PRKCA: variants seen among roughly 807,000 people sequenced by gnomAD.
PRKCA encodes protein kinase C alpha, also known as protein kinase C alpha type.
In PRKCA, 27 loss-of-function variants were observed where a neutral mutation model predicts 87.0. The observed-to-expected ratio is 0.31, with a 90% CI of 0.23 to 0.43. The LOEUF is 0.43. PRKCA is among the 20% of genes least tolerant of loss of function. The probability of loss-of-function intolerance (pLI) is 1.00; values close to 1 mark genes in which losing one functional copy is unlikely to be tolerated. For missense variants in PRKCA, 518 were observed against 852.3 expected (o/e 0.61, Z 4.88); for synonymous variants, 329 against 311.1 (o/e 1.06, Z -0.61).
chr17:66,446,715 C>T (rs1914055898), intron 2 of PRKCA, among the ~76,000 whole-genome samples: 1 of 152,148 alleles, frequency 6.6e-6, no homozygotes, highest in Admixed American at 6.5e-5. Context: ...ACCTATGACT[C>T]AACGTCAGGA....
At chr17:66,717,434 T>G (rs1055994908) in intron 8 of PRKCA, among the ~76,000 whole-genome samples, 1 of 152,196 alleles carries the variant, frequency 6.6e-6, no homozygotes, top group African/African-American at 2.4e-5. Flanking sequence ...AGGCTGGAGT[T>G]CTGGATTCAG....
intron 8 of PRKCA, among the ~76,000 whole-genome samples, chr17:66,721,350 C>T (rs972472501): frequency 1.4e-5 from 2 of 146,334 alleles, no homozygotes; most frequent in Admixed American, 1.4e-4. Flanking sequence ...GAGCCGAGAT[C>T]GGGCCACTGC....
chr17:66,402,281 G>T (rs1911078302), intron 2 of PRKCA, among the ~76,000 whole-genome samples: 1 of 152,162 alleles, frequency 6.6e-6, no homozygotes, highest in Non-Finnish European at 1.5e-5. Context: ...CCTTTGTCCA[G>T]GCGGTTTTAG....
chr17:66,715,320 T>C (rs560530142), intron 8 of PRKCA, among the ~76,000 whole-genome samples: 4 of 152,334 alleles, frequency 2.6e-5, no homozygotes, highest in African/African-American at 9.6e-5. Context: ...CTGTGCTCGC[T>C]TAGCTTCAAT....
intron 8 of PRKCA, among the ~76,000 whole-genome samples, chr17:66,724,140 C>G (rs1037335819): frequency 2.0e-5 from 3 of 152,100 alleles, no homozygotes; most frequent in Non-Finnish European, 4.4e-5. Context: ...GCATTTCTGC[C>G]AAGCCTCTAG....
intron 13 of PRKCA, among the ~76,000 whole-genome samples, chr17:66,758,701 C>T (rs1044659793): frequency 6.6e-6 from 1 of 152,168 alleles, no homozygotes; most frequent in Non-Finnish European, 1.5e-5. Context: ...CAGGAGAGCA[C>T]CCCTCCACCC....
At chr17:66,644,434 C>T (rs1490464570) in intron 4 of PRKCA, among the ~76,000 whole-genome samples, 1 of 152,126 alleles carries the variant, frequency 6.6e-6, no homozygotes, top group Non-Finnish European at 1.5e-5. Flanking sequence ...CCTAAAGGTA[C>T]AAGGGTGATC....
rs1337976930 is a variant in PRKCA at position 66,688,313 on chromosome 17, C to G, written c.698C>G (p.Pro233Arg). The change falls in exon 7 of 17, where the codon CCT (proline) becomes CGT (arginine). Residue 233 changes from proline to arginine, a missense_variant. Physicochemically the swap from Pro to Arg is moderately radical, Grantham distance 103. Around this residue, in one of 5 missense-constraint regions of PRKCA, gnomAD observed 300 missense variants for 496.8 expected, o/e 0.60. Transcript: ENST00000413366. ...TGTGTGTCTTGTAGCAAATTGAAACCTTCAGACAAAGACCGACGACTGTCT... is the reference window on the plus strand; with the variant it reads ...TGTGTGTCTTGTAGCAAATTGAAACGTTCAGACAAAGACCGACGACTGTCT... Reference protein sequence around the residue: ...WNESFTFKLKPSDKDRRLSVE... With the variant: ...WNESFTFKLKRSDKDRRLSVE... 6.2e-7 allele frequency: 1 copy of G among 1,613,924 alleles called. No individual in the cohort carries two copies. Among genetic ancestry groups the G allele is most frequent in the African/African-American group, 1.3e-5 (1 of 74,892 alleles).
chr17:66,329,032 A>C (rs1462951354), intron 2 of PRKCA, among the ~76,000 whole-genome samples: 1 of 152,190 alleles, frequency 6.6e-6, no homozygotes, highest in African/African-American at 2.4e-5. Flanking sequence ...GATCATGCCT[A>C]CTGTTATGTG....
chr17:66,452,677 G>A (rs1248337585), intron 2 of PRKCA, among the ~76,000 whole-genome samples: 1 of 152,106 alleles, frequency 6.6e-6, no homozygotes, highest in Non-Finnish European at 1.5e-5. Context: ...CCTTTCTACA[G>A]TGACTGTTTG....
intron 2 of PRKCA, among the ~76,000 whole-genome samples, chr17:66,456,625 C>T (rs1240422455): frequency 2.0e-5 from 3 of 152,214 alleles, no homozygotes. Context: ...TTCTGTGCTG[C>T]TTCCAGCTCC....
chr17:66,547,710 A>G (rs951474274), intron 3 of PRKCA, among the ~76,000 whole-genome samples: 1 of 152,228 alleles, frequency 6.6e-6, no homozygotes. Flanking sequence ...GGCTGTGGAC[A>G]TATTTTCCAG....
chr17:66,693,867 C>T (rs1972846305), intron 8 of PRKCA, among the ~76,000 whole-genome samples: 1 of 152,168 alleles, frequency 6.6e-6, no homozygotes, highest in African/African-American at 2.4e-5. Context: ...AGGTGGCAGA[C>T]CAGAATTGGC....
chr17:66,384,531 A>G lies in PRKCA; in HGVS notation c.205+78404A>G, dbSNP rs1252943653. Among the ~76,000 whole-genome samples the G allele has an allele frequency of 2.0e-5, 3 of 152,226 alleles. 1 individual carries two copies. The highest frequency in any genetic ancestry group is 4.1e-4 in the South Asian group (2 of 4,822). On this transcript the variant is annotated intron_variant, in intron 2 of 16. Transcript: ENST00000413366. ...TTCATATCATGTTTTCTAAATTTTT[A>G]TTCTTTCTTGAGGGAACCATTCCAA...
chr17:66,427,520 G>T (rs1358690334), intron 2 of PRKCA, among the ~76,000 whole-genome samples: 6 of 152,192 alleles, frequency 3.9e-5, no homozygotes, highest in Non-Finnish European at 8.8e-5. Flanking sequence ...AAGCCATTTT[G>T]AGTTAGGTTT....
intron 3 of PRKCA, among the ~76,000 whole-genome samples, chr17:66,591,174 A>G (rs1969792389): frequency 6.6e-6 from 1 of 152,122 alleles, no homozygotes; most frequent in Non-Finnish European, 1.5e-5. Flanking sequence ...TGTTTTAAAG[A>G]CAGGGTCTTG....
intron 2 of PRKCA, among the ~76,000 whole-genome samples, chr17:66,336,526 A>AT (rs1176096585): frequency 6.7e-6 from 1 of 148,626 alleles, no homozygotes; most frequent in Non-Finnish European, 1.5e-5. Context: ...GGCCATTTGT[A>AT]TTTTTTCTTA....
rs912937784 is a variant in PRKCA, at chr17:66,778,183, C to A, written c.1605+4116C>A. The A allele has an allele frequency of 9.1e-6, 9 of 985,372 alleles. No homozygotes were observed. In the African/African-American group the frequency reaches 1.4e-4, roughly 15 times the overall value. The allele number at this position is 985,372 out of a possible 1,614,324, so 61.0% of individuals were successfully genotyped here. On this transcript the variant is annotated intron_variant, in intron 14 of 16. Transcript: ENST00000413366. ...TGCTTCTCAGAGCCACTTAGCCTGCCTTATATGCATACTTTCAGGTCTCCA... is the reference window on the plus strand; with the variant it reads ...TGCTTCTCAGAGCCACTTAGCCTGCATTATATGCATACTTTCAGGTCTCCA...
Position 66,742,698 on chromosome 17 carries a change from C to T in PRKCA, c.1462C>T (p.His488Tyr). 1.2e-6 allele frequency: 2 copies of T among 1,614,160 alleles called. No homozygotes were observed. The highest frequency in any genetic ancestry group is 1.7e-6 in the Non-Finnish European group (2 of 1,180,018). ...TGCTGACTTTGGGATGTGCAAGGAA[C>T]ACATGATGGATGGAGTCACGACCAG... ...KIADFGMCKE[H>Y]MMDGVTTRTF... The change falls in exon 13 of 17, where the codon CAC becomes TAC. Residue 488 changes from histidine (H) to tyrosine (Y), a missense_variant. His to Tyr is a moderately conservative substitution (Grantham distance 83). Coordinates refer to ENST00000413366, the MANE Select transcript of PRKCA (RefSeq NM_002737.3).
Sources: allele counts gnomAD v4.1 joint callset (sites outside exome capture counted in the v4.1 genomes callset), GRCh38; gene constraint gnomAD v4.1.1; regional missense constraint gnomAD v4.1.1; transcripts MANE v1.5; gene names NCBI Gene and HGNC (gene_info 2026-07-23, HGNC 2026-07-21).